Variants in SETBP1 observed in about 807,000 individuals in gnomAD.
SETBP1 encodes the protein SET-binding protein.
Under a neutral mutation model 101.0 loss-of-function variants are expected in SETBP1, and 9 were observed. The ratio of observed to expected loss-of-function variants is 0.09; its 90% confidence interval spans 0.05 to 0.16. The LOEUF is 0.16. Ranked by LOEUF, SETBP1 falls within the 10% of genes least tolerant of loss-of-function variation. The pLI, the probability that SETBP1 is intolerant of heterozygous loss-of-function variation, is 1.00. For missense variants in SETBP1, 1,858 were observed against 2,033.8 expected, an observed-to-expected ratio of 0.91 and a Z score of 1.66; for synonymous variants, 818 against 788.5, an observed-to-expected ratio of 1.04 and a Z score of -0.63.
intron 4 of SETBP1, among the ~76,000 whole-genome samples, chr18:44,984,573 C>A (rs2072188395): frequency 6.6e-6 from 1 of 152,078 alleles, no homozygotes; most frequent in African/African-American, 2.4e-5. Context: ...GGTTTGGGGA[C>A]CCCTGCCATA....
intron 2 of SETBP1, among the ~76,000 whole-genome samples, chr18:44,766,533 G>C (rs2144613578): frequency 6.6e-6 from 1 of 152,270 alleles, no homozygotes; most frequent in East Asian, 1.9e-4. Flanking sequence ...TTCAGGGGGT[G>C]GGTGATAGAA....
intron 3 of SETBP1, among the ~76,000 whole-genome samples, chr18:44,888,287 GC>G (rs2069694167): frequency 6.6e-6 from 1 of 152,040 alleles, no homozygotes; most frequent in South Asian, 2.1e-4. Context: ...AGTTCCTCCT[GC>G]CTGAAGGTCC....
intron 5 of SETBP1, among the ~76,000 whole-genome samples, chr18:45,044,101 C>A (rs1413464850): frequency 1.3e-5 from 2 of 152,132 alleles, no homozygotes; most frequent in Non-Finnish European, 2.9e-5. Context: ...CAGGTCAAGT[C>A]AGCCAAAATC....
intron 2 of SETBP1, among the ~76,000 whole-genome samples, chr18:44,729,590 G>A (rs1193079578): frequency 6.6e-6 from 1 of 152,216 alleles, no homozygotes; most frequent in Non-Finnish European, 1.5e-5. Flanking sequence ...GATTCCTGTT[G>A]AGTTTAAAGG....
At chr18:44,748,688 AAT>A (rs2070318167) in intron 2 of SETBP1, among the ~76,000 whole-genome samples, 1 of 152,206 alleles carries the variant, frequency 6.6e-6, no homozygotes, top group Non-Finnish European at 1.5e-5. Flanking sequence ...AGGTAAAGGG[AAT>A]AGTGTCCACT....
chr18:44,720,767 T>C (rs937089443), intron 2 of SETBP1, among the ~76,000 whole-genome samples: 7 of 152,098 alleles, frequency 4.6e-5, no homozygotes, highest in Non-Finnish European at 7.4e-5. Flanking sequence ...GAGGGCAAAG[T>C]GCTCATGGTG....
At chr18:44,781,309 C>T (rs1289274892) in intron 2 of SETBP1, among the ~76,000 whole-genome samples, 1 of 152,084 alleles carries the variant, frequency 6.6e-6, no homozygotes, top group Non-Finnish European at 1.5e-5. Context: ...CAAGGATATG[C>T]CCACTTAACT....
At chr18:45,034,528 C>A (rs1203856531) in intron 4 of SETBP1, among the ~76,000 whole-genome samples, 1 of 150,884 alleles carries the variant, frequency 6.6e-6, no homozygotes, top group East Asian at 1.9e-4. Flanking sequence ...GTTTCAGAGA[C>A]TTTTTTAAAA....
chr18:44,683,777 T>C (rs955020954), intron 1 of SETBP1, among the ~76,000 whole-genome samples: 12 of 152,222 alleles, frequency 7.9e-5, no homozygotes, highest in African/African-American at 1.4e-4. Context: ...ACCAGAAAGC[T>C]ATTGAAGGCA....
In SETBP1 at chr18:44,701,367, A is replaced by C; in HGVS notation, c.21A>C (p.Leu7Phe). The C allele has an allele frequency of 1.3e-6, 2 of 1,522,182 alleles. No individual in the cohort carries two copies. The highest frequency in any genetic ancestry group is 1.8e-6 in the Non-Finnish European group (2 of 1,131,554). The allele number at this position is 1,522,182 out of a possible 1,614,324, so 94.3% of individuals were successfully genotyped here. A position where few individuals can be genotyped will look rare whatever the true frequency, so the allele number is the denominator to read the frequency against. Residue 7 changes from leucine (L) to phenylalanine (F), a missense_variant, in exon 2 of 6, where the codon TTA becomes TTC. By Grantham distance (22) the Leu-to-Phe change is conservative. Transcript: ENST00000649279. ...TTGTCATGGAGTCCAGGGAAACCTT[A>C]AGCAGCTCCCGGCAAAGAGGGGGCG... MESRET[L>F]SSSRQRGGES...
At chr18:44,841,161 C>T (rs2072608130) in intron 2 of SETBP1, among the ~76,000 whole-genome samples, 1 of 152,124 alleles carries the variant, frequency 6.6e-6, no homozygotes, top group Non-Finnish European at 1.5e-5. Flanking sequence ...AAGTTGCAGT[C>T]AAGGAAGATG....
At chr18:45,046,590 T>C (rs1169439234) in intron 5 of SETBP1, among the ~76,000 whole-genome samples, 4 of 152,248 alleles carry the variant, frequency 2.6e-5, no homozygotes, top group Non-Finnish European at 4.4e-5. Flanking sequence ...GTGTCTTCCT[T>C]CACTCAGAAG....
In SETBP1 at chr18:44,701,928, C is replaced by T; in HGVS notation, c.486+96C>T. On this transcript the variant is annotated intron_variant, in intron 2 of 5. Coordinates refer to ENST00000649279, the MANE Select transcript of SETBP1 (RefSeq NM_015559.3). ...GGGTCTATTTATATATTATATTTGA[C>T]TCTAGAACAACGTGGGGTTGGGGAT... 3 of 1,405,174 alleles carry T rather than the reference C, an allele frequency of 2.1e-6. 1 individual carries two copies. In the South Asian group the frequency reaches 3.8e-5, roughly 18 times the overall value. The allele number at this position is 1,405,174 out of a possible 1,614,324, so 87.0% of individuals were successfully genotyped here.
chr18:44,985,904 C>T (rs979974477), intron 4 of SETBP1, among the ~76,000 whole-genome samples: 1 of 152,184 alleles, frequency 6.6e-6, no homozygotes, highest in African/African-American at 2.4e-5. Context: ...GAGCCAAGAA[C>T]CAGAGTACTC....
intron 2 of SETBP1, among the ~76,000 whole-genome samples, chr18:44,817,749 G>T (rs751503579): frequency 7.1e-4 from 108 of 151,824 alleles, no homozygotes; most frequent in Non-Finnish European, 3.2e-4. Context: ...GGGAAAATGC[G>T]GGGACTACGA....
chr18:44,778,434 C>G (rs1339268639), intron 2 of SETBP1, among the ~76,000 whole-genome samples: 6 of 152,164 alleles, frequency 3.9e-5, no homozygotes, highest in African/African-American at 1.4e-4. Flanking sequence ...GCTTTGATGT[C>G]ACTTGCATAA....
chr18:44,999,437 A>T (rs2072569064), intron 4 of SETBP1, among the ~76,000 whole-genome samples: 1 of 152,224 alleles, frequency 6.6e-6, no homozygotes, highest in Non-Finnish European at 1.5e-5. Flanking sequence ...TTTATATATT[A>T]TGCAGTGTGC....
At chr18:44,714,847 G>A (rs1164630005) in intron 2 of SETBP1, among the ~76,000 whole-genome samples, 1 of 152,130 alleles carries the variant, frequency 6.6e-6, no homozygotes, top group Non-Finnish European at 1.5e-5. Context: ...AGATGATAGT[G>A]CATGGTGTGG....
chr18:44,760,824 C>G (rs1485145203), intron 2 of SETBP1, among the ~76,000 whole-genome samples: 1 of 152,100 alleles, frequency 6.6e-6, no homozygotes, highest in African/African-American at 2.4e-5. Context: ...TGATTTCCAC[C>G]ATGCCATCTT....
Sources: allele counts gnomAD v4.1 joint callset (sites outside exome capture counted in the v4.1 genomes callset), GRCh38; gene constraint gnomAD v4.1.1; transcripts MANE v1.5; gene names NCBI Gene and HGNC (gene_info 2026-07-23, HGNC 2026-07-21).